Variants in ZNF761 observed in about 807,000 individuals in gnomAD.
ZNF761 encodes the protein zinc finger protein 761.
A neutral mutation model predicts 59.9 loss-of-function variants in ZNF761; 43 were observed. The ratio of observed to expected loss-of-function variants is 0.72; its 90% CI spans 0.56 to 0.92. The LOEUF (loss-of-function observed/expected upper bound fraction) is 0.92. ZNF761 is among the 40% of genes least tolerant of loss of function. ZNF761 has a pLI of 0.00. For synonymous variants in ZNF761, 294 were observed against 304.8 expected, an observed-to-expected ratio of 0.96 and a Z score of 0.37; for missense variants, 850 against 906.1, an observed-to-expected ratio of 0.94 and a Z score of 0.79.
At chr19:53,447,382 G>C in intron 3 of ZNF761, 99 bp downstream of exon 3, 2 of 1,525,648 alleles carry the variant, frequency 1.3e-6, no homozygotes, top group South Asian at 1.2e-5. Flanking sequence ...CATCCTGCCT[G>C]ACAGGTTTGC....
rs2086277436 is a variant in ZNF761, at chr19:53,456,860, A to G, written c.*112A>G. The G allele has an allele frequency of 3.3e-6, 4 of 1,228,854 alleles. No individual in the cohort carries two copies. The highest frequency in any genetic ancestry group is 1.9e-4 in the Middle Eastern group (1 of 5,152). The allele number at this position is 1,228,854 out of a possible 1,614,324, so 76.1% of individuals were successfully genotyped here. ...CATGTGATAAAGTTTACAGTGGCAA[A>G]TCAAGCCTCAGAAGACAGGAGAATT... On this transcript the variant is annotated 3_prime_UTR_variant, in exon 5 of 5. Transcript: ENST00000684525.
intron 1 of ZNF761, among the ~76,000 whole-genome samples, chr19:53,435,128 G>A (rs1450158697): frequency 6.6e-6 from 1 of 151,882 alleles, no homozygotes; most frequent in African/African-American, 2.4e-5. Context: ...CGGTAAAAGG[G>A]GGGGACCTTG....
chr19:53,436,072 A>G (rs1386155217), intron 1 of ZNF761, among the ~76,000 whole-genome samples: 1 of 152,142 alleles, frequency 6.6e-6, no homozygotes, highest in Non-Finnish European at 1.5e-5. Context: ...GCTTGGTCTC[A>G]TCTCAGGATC....
At position 53,457,450 on chromosome 19, in the gene ZNF761, A is replaced by G. The variant is rs1310150735; in HGVS notation, c.*702A>G. 4.9e-6 allele frequency: 2 copies of G among 406,804 alleles called. No individual in the cohort carries two copies. The highest frequency in any genetic ancestry group is 2.1e-5 in the African/African-American group (1 of 47,924). 25.2% of individuals were successfully genotyped at this position (406,804 alleles called of 1,614,324 possible). A position where few individuals can be genotyped will look rare whatever the true frequency, so the allele number is the denominator to read the frequency against. The stretch of plus-strand genomic sequence containing the variant: ...TGGCAAAGCCTTCACTTCACACCTC[A>G]TGAGACATCAGAGAATGCATACTGG... On this transcript the variant is annotated 3_prime_UTR_variant, in exon 5 of 5. Transcript: ENST00000684525.
chr19:53,432,968 C>T (rs1440044652), intron 1 of ZNF761, among the ~76,000 whole-genome samples: 1,948 of 145,818 alleles, frequency 0.013, no homozygotes, highest in African/African-American at 0.051. Context: ...CAGAGTGGTG[C>T]TGGTGGCAAG....
chr19:53,439,135 G>T (rs1050325858), intron 1 of ZNF761, among the ~76,000 whole-genome samples: 1 of 151,990 alleles, frequency 6.6e-6, no homozygotes, highest in African/African-American at 2.4e-5. Context: ...GGCAGCCATG[G>T]TGGCAGGCGC....
At chr19:53,450,053 C>T (rs1157113802) in intron 4 of ZNF761, 3 of 386,146 alleles carry the variant, frequency 7.8e-6, no homozygotes, top group Non-Finnish European at 1.4e-5. Context: ...GCCTGTAATC[C>T]CAGCACTTTG....
rs1207762588 is a variant in ZNF761, at chr19:53,457,879, A to T, written c.*1131A>T. 6.5e-6 allele frequency: 1 copy of T among 152,996 alleles called. No homozygotes were observed. Among genetic ancestry groups the T allele is most frequent in the African/African-American group, 2.4e-5 (1 of 41,446 alleles). 9.5% of individuals were successfully genotyped at this position (152,996 alleles called of 1,614,324 possible). ...AGGGATTTTTATGGATATCATGTTG[A>T]ATCTAAATCACATTGGGTTATTATA... On this transcript the variant is annotated 3_prime_UTR_variant, in exon 5 of 5. Transcript: ENST00000684525.
At chr19:53,434,975 C>T (rs1259107082) in intron 1 of ZNF761, among the ~76,000 whole-genome samples, 1 of 152,054 alleles carries the variant, frequency 6.6e-6, no homozygotes, top group South Asian at 2.1e-4. Flanking sequence ...TTTTTGATAA[C>T]ATATAGGTAG....
Position 53,456,774 on chromosome 19 carries a change from C to T in ZNF761, c.*26C>T. ...TGAATGTGGTGAGGTTTTTAATCAA[C>T]AAGCACACCTTGCAGGTCATCATAG... On this transcript the variant is annotated 3_prime_UTR_variant, in exon 5 of 5. Coordinates refer to ENST00000684525, the MANE Select transcript of ZNF761 (RefSeq NM_001289951.2). 2.5e-6 allele frequency: 4 copies of T among 1,607,106 alleles called. No individual in the cohort carries two copies. Among genetic ancestry groups the T allele is most frequent in the Non-Finnish European group, 8.5e-7 (1 of 1,174,566 alleles).
At position 53,455,117 on chromosome 19, in the gene ZNF761, C is replaced by T. The variant is rs2086254248; in HGVS notation, c.610C>T (p.Gln204Ter). The T allele has an allele frequency of 6.2e-7, 1 of 1,614,022 alleles. No individual in the cohort carries two copies. ...NNFWNSSLLT[Q>*]KQEVHMREKS... ...TTTCTGGAATTCTTCATTACTCACA[C>T]AAAAACAGGAAGTACACATGAGAGA... The change falls in exon 5 of 5, where the codon CAA (glutamine) becomes TAA (stop). Residue 204 changes from glutamine to a stop codon, truncating the protein, a stop_gained. Transcript: ENST00000684525. LOFTEE classifies it high-confidence loss of function.
At chr19:53,445,559 C>T (rs1398539055) in intron 1 of ZNF761, among the ~76,000 whole-genome samples, 1 of 152,088 alleles carries the variant, frequency 6.6e-6, no homozygotes, top group Non-Finnish European at 1.5e-5. Context: ...AAGCTCAACC[C>T]GAGTGACCCA....
In ZNF761 at chr19:53,456,125, C is replaced by T; in HGVS notation, c.1618C>T (p.His540Tyr). The change falls in exon 5 of 5, where the codon CAT (histidine) becomes TAT (tyrosine). Residue 540 changes from histidine (H) to tyrosine (Y), a missense_variant. By Grantham distance (83) the His-to-Tyr change is moderately conservative (BLOSUM62 2). Coordinates refer to ENST00000684525, the MANE Select transcript of ZNF761 (RefSeq NM_001289951.2). ...TFSWKSSLTC[H>Y]RRLHSGEKPY... Reference sequence around the variant, plus strand: ...TAGTTGGAAGTCATCCCTTACCTGCCATCGTAGACTTCATTCTGGAGAGAA... The same window carrying T: ...TAGTTGGAAGTCATCCCTTACCTGCTATCGTAGACTTCATTCTGGAGAGAA... The T allele has an allele frequency of 6.2e-7, 1 of 1,604,010 alleles. No individual in the cohort carries two copies. Among genetic ancestry groups the T allele is most frequent in the Non-Finnish European group, 8.5e-7 (1 of 1,172,862 alleles).
At chr19:53,449,871 C>A (rs1212926662) in intron 4 of ZNF761, 34 of 934,478 alleles carry the variant, frequency 3.6e-5, no homozygotes, top group Non-Finnish European at 4.5e-5. Flanking sequence ...AGTTTGTTTT[C>A]TTTCCAGACA....
Position 53,455,777 on chromosome 19 carries a change from A to C in ZNF761, c.1270A>C (p.Asn424His), listed in dbSNP as rs1228468847. The C allele has an allele frequency of 1.9e-5, 31 of 1,613,786 alleles. No homozygotes were observed. The highest frequency in any genetic ancestry group is 2.6e-5 in the Non-Finnish European group (31 of 1,180,002). ...TGACAAAGCTTACAGTTTCAGATCA[A>C]ATTTTGAAATACATCGGAAAATTCA... ...ECDKAYSFRS[N>H]FEIHRKIHTE... is the part of the protein sequence containing the mutation. The change falls in exon 5 of 5, where the codon AAT becomes CAT. Residue 424 changes from asparagine to histidine, a missense_variant. Physicochemically the swap from Asn to His is moderately conservative, Grantham distance 68. Coordinates refer to ENST00000684525, the MANE Select transcript of ZNF761 (RefSeq NM_001289951.2).
chr19:53,433,859 G>A (rs146967627), intron 1 of ZNF761, among the ~76,000 whole-genome samples: 1 of 151,590 alleles, frequency 6.6e-6, no homozygotes, highest in Non-Finnish European at 1.5e-5. Flanking sequence ...ACGGACTCAA[G>A]AGTCTATTTT....
rs898182140 is a variant in ZNF761, at chr19:53,431,996, G to C, written c.-217G>C. ...CGCAGATTCGTGCAGACCAGGAAGC[G>C]GATAGCGTGGAGTGACGGTGCCACC... On this transcript the variant is annotated 5_prime_UTR_variant, in exon 1 of 5. Coordinates refer to ENST00000684525, the MANE Select transcript of ZNF761 (RefSeq NM_001289951.2). The C allele has an allele frequency of 6.5e-6, 1 of 152,900 alleles. No homozygotes were observed. The highest frequency in any genetic ancestry group is 1.9e-4 in the East Asian group (1 of 5,178). 9.5% of individuals were successfully genotyped at this position (152,900 alleles called of 1,614,324 possible).
At chr19:53,449,998 A>C in intron 4 of ZNF761, 1 of 466,518 alleles carries the variant, frequency 2.1e-6, no homozygotes, top group Non-Finnish European at 3.7e-6. Context: ...ATTGGCTTTT[A>C]TTTTTAAGAT....
rs560670971 is a variant in ZNF761, at chr19:53,450,536, C to T, written c.142+898C>T. On this transcript the variant is annotated intron_variant, in intron 4 of 4. Coordinates refer to ENST00000684525, the MANE Select transcript of ZNF761 (RefSeq NM_001289951.2). ...TAGGTTTTTTTTGTTCTTCATTTCT[C>T]ATTTACTACTTTTTGTGTTTAATTG... 1.1e-3 allele frequency among the ~76,000 whole-genome samples: 172 copies of T among 152,258 alleles called. 1 individual carries two copies. The highest frequency in any genetic ancestry group is 3.9e-3 in the African/African-American group (163 of 41,560).
Sources: gnomAD v4.1 joint callset for allele counts (sites outside exome capture counted in the v4.1 genomes callset) on GRCh38, gnomAD v4.1.1 for gene constraint, MANE v1.5 for transcripts, NCBI Gene and HGNC (gene_info 2026-07-23, HGNC 2026-07-21) for gene names.